DGKG: variants seen among roughly 807,000 people sequenced by gnomAD.
The protein encoded by DGKG is diacylglycerol kinase gamma, also known as DAG kinase gamma.
DGKG carries 78 observed loss-of-function variants against 105.3 expected under a neutral mutation model. The ratio of observed to expected loss-of-function variants is 0.74; its 90% CI spans 0.62 to 0.89. The LOEUF (loss-of-function observed/expected upper bound fraction) is 0.89, where lower values mean the gene tolerates loss of function less well. Ranked by LOEUF, DGKG falls within the 40% of genes least tolerant of loss-of-function variation. The pLI is 0.00. For synonymous variants in DGKG, 346 were observed against 367.1 expected, an observed-to-expected ratio of 0.94 and a Z score of 0.66; for missense variants, 958 against 1,020.1, an observed-to-expected ratio of 0.94 and a Z score of 0.83.
At chr3:186,270,998 G>A (rs1275393600) in intron 11 of DGKG, among the ~76,000 whole-genome samples, 1 of 152,214 alleles carries the variant, frequency 6.6e-6, no homozygotes, top group Admixed American at 6.5e-5. Context: ...GGTGTGCATG[G>A]GGTGGTGCAG....
At chr3:186,315,380 C>T (rs1477380497) in intron 2 of DGKG, among the ~76,000 whole-genome samples, 1 of 152,226 alleles carries the variant, frequency 6.6e-6, no homozygotes, top group Non-Finnish European at 1.5e-5. Flanking sequence ...AGCTCTTCTT[C>T]ACCTTTCCCT....
At chr3:186,172,267 A>G (rs1716860079) in intron 22 of DGKG, among the ~76,000 whole-genome samples, 1 of 152,200 alleles carries the variant, frequency 6.6e-6, no homozygotes, top group Admixed American at 6.5e-5. Context: ...GGATATCCTT[A>G]GCTTAAGAGG....
At chr3:186,225,377 C>T (rs1355924664) in intron 20 of DGKG, among the ~76,000 whole-genome samples, 1 of 150,916 alleles carries the variant, frequency 6.6e-6, no homozygotes, top group Non-Finnish European at 1.5e-5. Flanking sequence ...ATTTATAGCA[C>T]CAATAATTTG....
At chr3:186,180,684 C>A (rs905701249) in intron 22 of DGKG, among the ~76,000 whole-genome samples, 1 of 152,188 alleles carries the variant, frequency 6.6e-6, no homozygotes, top group Non-Finnish European at 1.5e-5. Context: ...AGGCCACATT[C>A]TGGTATGGCT....
chr3:186,265,178 C>T lies in DGKG; in HGVS notation c.1269+69G>A, dbSNP rs1200394571. 6 of 1,488,360 alleles carry T rather than the reference C, an allele frequency of 4.0e-6. No homozygotes were observed. In the Admixed American group the frequency reaches 1.0e-4, roughly 25 times the overall value. 92.2% of individuals were successfully genotyped at this position (1,488,360 alleles called of 1,614,324 possible). Reference sequence around the variant, plus strand: ...GAGATGCTTTTCTGTAGAACCCAAACCCCGTCTTGCCCGCCACAGCCCTGG... The same window carrying T: ...GAGATGCTTTTCTGTAGAACCCAAATCCCGTCTTGCCCGCCACAGCCCTGG... On this transcript the variant is annotated intron_variant, in intron 14 of 24. Coordinates refer to ENST00000265022, the MANE Select transcript of DGKG (RefSeq NM_001346.3).
At chr3:186,355,828 A>G (rs1250060009) in intron 1 of DGKG, among the ~76,000 whole-genome samples, 1 of 152,208 alleles carries the variant, frequency 6.6e-6, no homozygotes, top group Non-Finnish European at 1.5e-5. Flanking sequence ...AAATGGGAAA[A>G]TTTATAAAAA....
rs1727221194 is a variant in DGKG at position 186,361,382 on chromosome 3, C to A, written c.-249+564G>T. On this transcript the variant is annotated intron_variant, in intron 1 of 24. Transcript: ENST00000265022. The surrounding 1 kb of genome is among the most constrained non-coding windows in gnomAD (Gnocchi z 6.8). ...CACATCTTGTGACTCTGAGACTACA[C>A]AGATCAACCTCAGATTCGACCCTTC... Among the ~76,000 whole-genome samples the A allele has an allele frequency of 6.6e-6, 1 of 152,154 alleles. No homozygotes were observed. The highest frequency in any genetic ancestry group is 2.4e-5 in the African/African-American group (1 of 41,436).
At chr3:186,280,581 C>T in intron 8 of DGKG, 89 bp downstream of exon 8, 3 of 1,019,432 alleles carry the variant, frequency 2.9e-6, no homozygotes, top group Non-Finnish European at 4.5e-6. Flanking sequence ...GGAGCACCTG[C>T]AGGGTTAACA....
chr3:186,284,858 C>G lies in DGKG; in HGVS notation c.545-149G>C, dbSNP rs1183400897. 2.2e-5 allele frequency: 15 copies of G among 677,876 alleles called. No homozygotes were observed. In the East Asian group the frequency reaches 3.8e-4, roughly 17 times the overall value. The allele number at this position is 677,876 out of a possible 1,614,324, so 42.0% of individuals were successfully genotyped here. A position where few individuals can be genotyped will look rare whatever the true frequency, so the allele number is the denominator to read the frequency against. On this transcript the variant is annotated intron_variant, in intron 6 of 24. Transcript: ENST00000265022. This position sits in a 1 kb window ranked among gnomAD's most constrained non-coding sequence, Gnocchi z 4.0. The stretch of plus-strand genomic sequence containing the variant: ...CTCTCCCTCCCTCTGAGCACAGAGT[C>G]TGACTTCCTTACAGAGAGGCTGGGC...
At chr3:186,212,272 T>G (rs529178141) in intron 20 of DGKG, among the ~76,000 whole-genome samples, 5 of 152,300 alleles carry the variant, frequency 3.3e-5, no homozygotes, top group Non-Finnish European at 7.4e-5. Context: ...AGAACTCTCT[T>G]TTGGGTATGT....
chr3:186,258,261 T>G (rs1205468792), intron 16 of DGKG, among the ~76,000 whole-genome samples: 1 of 152,182 alleles, frequency 6.6e-6, no homozygotes, highest in Admixed American at 6.5e-5. Context: ...TAGCCCCCAG[T>G]GTTTTCACTC....
intron 1 of DGKG, among the ~76,000 whole-genome samples, chr3:186,349,749 G>C (rs934419655): frequency 6.6e-6 from 1 of 152,084 alleles, no homozygotes; most frequent in African/African-American, 2.4e-5. Context: ...TGTAGCTCTT[G>C]CCACTTTTTA....
chr3:186,197,207 T>C (rs761702119), intron 21 of DGKG, among the ~76,000 whole-genome samples: 25 of 151,984 alleles, frequency 1.6e-4, no homozygotes, highest in Admixed American at 3.9e-4. Context: ...CTGGGGAAAA[T>C]AGCACTTCAG....
chr3:186,279,002 G>A (rs547666047), intron 9 of DGKG: 2 of 152,284 alleles, frequency 1.3e-5, no homozygotes, highest in South Asian at 4.1e-4. Context: ...GTCAGATGAA[G>A]GTATATATAA....
chr3:186,339,536 T>C (rs1476776205), intron 1 of DGKG, among the ~76,000 whole-genome samples: 1 of 152,222 alleles, frequency 6.6e-6, no homozygotes, highest in Non-Finnish European at 1.5e-5. Context: ...TGTTTTTGTA[T>C]TTTCAATTTC....
chr3:186,272,805 G>A (rs565336777), intron 10 of DGKG, among the ~76,000 whole-genome samples: 1 of 150,458 alleles, frequency 6.6e-6, no homozygotes, highest in South Asian at 2.1e-4. Context: ...TGCAACCTCC[G>A]CCTCCCGGGT....
chr3:186,320,745 T>C, intron 1 of DGKG, 38 bp from the exon 2 acceptor site: 1 of 338,374 alleles, frequency 3.0e-6, no homozygotes, highest in Admixed American at 4.6e-5. Flanking sequence ...AATGAGAATG[T>C]TAAAAAAAAA....
At chr3:186,225,601 T>C (rs1719820671) in intron 20 of DGKG, among the ~76,000 whole-genome samples, 1 of 152,132 alleles carries the variant, frequency 6.6e-6, no homozygotes, top group Non-Finnish European at 1.5e-5. Context: ...CTGTTAATAC[T>C]GGATTGCTTT....
At chr3:186,192,467 T>C (rs1410978897) in intron 21 of DGKG, among the ~76,000 whole-genome samples, 2 of 152,190 alleles carry the variant, frequency 1.3e-5, no homozygotes, top group African/African-American at 4.8e-5. Context: ...TCATGCTTGG[T>C]GAGAGCTTTC....
Sources: gnomAD v4.1 joint callset for allele counts (sites outside exome capture counted in the v4.1 genomes callset) on GRCh38, gnomAD v4.1.1 for gene constraint, Gnocchi (gnomAD v3.1) non-coding constraint, MANE v1.5 for transcripts, NCBI Gene and HGNC (gene_info 2026-07-23, HGNC 2026-07-21) for gene names.